The following SLFN12L variants were observed in gnomAD, a reference collection of about 807,000 sequenced individuals.
SLFN12L encodes the protein schlafen family member 12 like.
SLFN12L carries 34 observed loss-of-function variants against 34.8 expected under a neutral mutation model. That is an observed-to-expected ratio of 0.98 (90% confidence interval 0.74 to 1.30). The LOEUF is 1.30. Ranked by LOEUF, SLFN12L falls within the 50% of genes most tolerant of loss-of-function variation. The pLI is 0.00. For synonymous variants in SLFN12L, 259 were observed against 247.5 expected, an observed-to-expected ratio of 1.05 and a Z score of -0.44; for missense variants, 703 against 696.2, an observed-to-expected ratio of 1.01 and a Z score of -0.11.
chr17:35,477,906 G>C, intron 4 of SLFN12L, 169 bp downstream of exon 4: 1 of 503,400 alleles, frequency 2.0e-6, no homozygotes, highest in Non-Finnish European at 3.5e-6. Context: ...CCCTACTTAG[G>C]CACCTAAAGA....
intron 1 of SLFN12L, among the ~76,000 whole-genome samples, chr17:35,536,387 G>A (rs1029860581): frequency 6.6e-6 from 1 of 152,178 alleles, no homozygotes; most frequent in African/African-American, 2.4e-5. Context: ...TTTAATTAAT[G>A]TTGGTAAACA....
At position 35,479,805 on chromosome 17, in the gene SLFN12L, C is replaced by A; in HGVS notation, c.477G>T (p.Pro159=). The A allele has an allele frequency of 1.2e-6, 2 of 1,610,546 alleles. No individual in the cohort carries two copies. Among genetic ancestry groups the A allele is most frequent in the Non-Finnish European group, 8.5e-7 (1 of 1,178,270 alleles). ...AACTGGAGCTCAACGTGGCAATCTG[C>A]GGACCAGAGGTTTCCAAGCTCCATG... ...VKSWSLETSG[P]QIATLSSSLY... is the part of the protein sequence containing the mutation. Residue 159 remains proline, a synonymous_variant, in exon 3 of 5, where the codon CCG becomes CCT. Coordinates refer to ENST00000628453, the MANE Select transcript of SLFN12L (RefSeq NM_001363830.2).
Position 35,469,507 on chromosome 17 carries a change from T to G in SLFN12L, c.*5416A>C, listed in dbSNP as rs79303697. Among the ~76,000 whole-genome samples the G allele has an allele frequency of 0.037, 5,580 of 151,770 alleles. 137 individuals carry two copies. The highest frequency in any genetic ancestry group is 0.057 in the Non-Finnish European group (3,858 of 67,912). On this transcript the variant is annotated 3_prime_UTR_variant, in exon 5 of 5. Transcript: ENST00000628453. ...GCTCTTTATACTTCCACATTGTTCT[T>G]CTATCTTACTCTTACAATAAAATAT...
chr17:35,487,866 T>A, intron 2 of SLFN12L: 1 of 1,002,200 alleles, frequency 1.0e-6, no homozygotes, highest in Non-Finnish European at 1.5e-6. Context: ...CCGGAAGTGG[T>A]GGCACCGCAC....
chr17:35,509,759 G>C (rs890514163), intron 2 of SLFN12L, among the ~76,000 whole-genome samples: 1 of 151,400 alleles, frequency 6.6e-6, no homozygotes, highest in Non-Finnish European at 1.5e-5. Flanking sequence ...GTGCAGTGGC[G>C]TGATCTCAGC....
chr17:35,515,509 C>G (rs1426081669), intron 2 of SLFN12L, among the ~76,000 whole-genome samples: 1 of 151,924 alleles, frequency 6.6e-6, no homozygotes, highest in Non-Finnish European at 1.5e-5. Context: ...GTTCTGTCAC[C>G]CCAGGTTGGA....
intron 2 of SLFN12L, chr17:35,490,795 C>T (rs2142140271): frequency 6.9e-7 from 1 of 1,446,188 alleles, no homozygotes; most frequent in African/African-American, 1.4e-5. Flanking sequence ...AGAAATAAGA[C>T]TTGAGTGCCT....
intron 2 of SLFN12L, among the ~76,000 whole-genome samples, chr17:35,509,250 G>A (rs527699499): frequency 1.2e-4 from 19 of 152,202 alleles, no homozygotes; most frequent in Admixed American, 2.0e-4. Context: ...CAAGGGTGAC[G>A]TTTGTGTCTC....
intron 2 of SLFN12L, chr17:35,487,716 G>GAA (rs10626701): frequency 0.69 from 1,054,307 of 1,533,958 alleles, 365,835 homozygotes; most frequent in African/African-American, 0.93. Flanking sequence ...TAAAGAAAAA[G>GAA]AGAACGAACC....
chr17:35,498,572 T>C (rs1915181317), intron 2 of SLFN12L: 5 of 1,551,496 alleles, frequency 3.2e-6, no homozygotes, highest in Non-Finnish European at 4.5e-6. Flanking sequence ...TGGAAAGTTT[T>C]TACAGCCGCT....
chr17:35,500,046 G>GTTTTT lies in SLFN12L; in HGVS notation c.87-19852_87-19851insAAAAA, dbSNP rs1156985512. 5.9e-5 allele frequency: 9 copies of GTTTTT among 152,352 alleles called. No individual in the cohort carries two copies. In the East Asian group the frequency reaches 1.5e-3, roughly 26 times the overall value. The allele number at this position is 152,352 out of a possible 1,614,324, so 9.4% of individuals were successfully genotyped here. ...ACTTTGGATGGAAAATTCTTTATACGATGTTAAAAACTTAAGGATCAAAAA... is the reference window on the plus strand; with the variant it reads ...ACTTTGGATGGAAAATTCTTTATACGTTTTTATGTTAAAAACTTAAGGATCAAAAA... On this transcript the variant is annotated intron_variant, in intron 2 of 4. Transcript: ENST00000628453.
intron 1 of SLFN12L, among the ~76,000 whole-genome samples, chr17:35,535,908 G>T (rs149875239): frequency 6.6e-6 from 1 of 151,782 alleles, no homozygotes; most frequent in Non-Finnish European, 1.5e-5. Context: ...CACCTTCCTC[G>T]GCCTCCCAAA....
intron 2 of SLFN12L, chr17:35,490,498 G>C: frequency 1.1e-6 from 1 of 930,954 alleles, no homozygotes; most frequent in Non-Finnish European, 1.8e-6. Context: ...AGCTCTGAAA[G>C]GCATCCATCT....
intron 2 of SLFN12L, among the ~76,000 whole-genome samples, chr17:35,492,504 C>T (rs1050797413): frequency 1.3e-5 from 2 of 152,184 alleles, no homozygotes; most frequent in African/African-American, 2.4e-5. Flanking sequence ...AGTGGCATTT[C>T]CTTAAGCTGG....
At chr17:35,502,207 C>T (rs1441171950) in intron 2 of SLFN12L, among the ~76,000 whole-genome samples, 1 of 151,904 alleles carries the variant, frequency 6.6e-6, no homozygotes, top group Non-Finnish European at 1.5e-5. Flanking sequence ...TATAACACTC[C>T]AATACCACTT....
intron 2 of SLFN12L, chr17:35,498,108 C>A: frequency 1.7e-6 from 1 of 590,216 alleles, no homozygotes; most frequent in Non-Finnish European, 3.0e-6. Context: ...CAGGACACAG[C>A]TGAGCCGGCG....
In SLFN12L at chr17:35,478,086, T is replaced by C. The variant is rs1188839403; in HGVS notation, c.1265A>G (p.Tyr422Cys). 9 of 1,536,016 alleles carry C rather than the reference T, an allele frequency of 5.9e-6. No individual in the cohort carries two copies. Among genetic ancestry groups the C allele is most frequent in the African/African-American group, 1.4e-5 (1 of 72,460 alleles). ...CAGAATTAAATTACCTGGAAGGTGA[T>C]ATCTCAGTGGCTGAATTTTGAAGTT... is the stretch of plus-strand genomic sequence containing the variant. ...YINFKIQPLR[Y>C]HLPGLSEKIT... is the part of the protein sequence containing the mutation. The change falls in exon 4 of 5, where the codon TAT becomes TGT. Residue 422 changes from tyrosine to cysteine, a missense_variant. Coordinates refer to ENST00000628453, the MANE Select transcript of SLFN12L (RefSeq NM_001363830.2).
intron 2 of SLFN12L, among the ~76,000 whole-genome samples, chr17:35,513,744 G>A (rs1915727517): frequency 6.6e-6 from 1 of 152,146 alleles, no homozygotes; most frequent in Admixed American, 6.5e-5. Flanking sequence ...GGACTTAGGA[G>A]GTACATTGAA....
At chr17:35,488,860 A>G (rs1002719660) in intron 2 of SLFN12L, among the ~76,000 whole-genome samples, 5 of 152,040 alleles carry the variant, frequency 3.3e-5, no homozygotes, top group African/African-American at 1.2e-4. Flanking sequence ...ACCTGAGGTC[A>G]GGAGTTTGAG....
Sources: allele counts gnomAD v4.1 joint callset (sites outside exome capture counted in the v4.1 genomes callset), GRCh38; gene constraint gnomAD v4.1.1; transcripts MANE v1.5; gene names NCBI Gene and HGNC (gene_info 2026-07-23, HGNC 2026-07-21).